Variants in UGT1A5 observed in about 807,000 individuals in gnomAD.
The protein encoded by UGT1A5 is UDP glucuronosyltransferase family 1 member A5.
Under a neutral mutation model 40.3 loss-of-function variants are expected in UGT1A5, and 29 were observed. That is an observed-to-expected ratio of 0.72 (90% CI 0.54 to 0.98). UGT1A5 has a LOEUF of 0.98. Among genes scored for constraint, UGT1A5 ranks in the 50% least tolerant of loss-of-function variants. The pLI, the probability that UGT1A5 is intolerant of heterozygous loss-of-function variation, is 0.00. For missense variants in UGT1A5, 678 were observed against 677.9 expected, an observed-to-expected ratio of 1.00 and a Z score of 0.00; for synonymous variants, 257 against 262.5, an observed-to-expected ratio of 0.98 and a Z score of 0.20.
intron 1 of UGT1A5, chr2:233,760,592 A>G (rs2125986394): frequency 1.1e-5 from 18 of 1,614,212 alleles, no homozygotes; most frequent in Non-Finnish European, 1.5e-5. Flanking sequence ...GTTTTTGAGA[A>G]TGATTCTTTC....
At chr2:233,724,293 C>G (rs1226718888) in intron 1 of UGT1A5, among the ~76,000 whole-genome samples, 3 of 135,034 alleles carry the variant, frequency 2.2e-5, no homozygotes, top group South Asian at 2.6e-4. Flanking sequence ...GGGGGCTGAC[C>G]CCCCCACCTC....
chr2:233,729,346 T>C (rs1339922469), intron 1 of UGT1A5: 1 of 1,614,150 alleles, frequency 6.2e-7, no homozygotes, highest in Non-Finnish European at 8.5e-7. Context: ...AGAAGAGAAC[T>C]TTTTCACCCT....
rs774438667 is a variant in UGT1A5 at position 233,767,136 on chromosome 2, G to T, written c.970G>T (p.Ala324Ser). 3.1e-6 allele frequency: 5 copies of T among 1,614,110 alleles called. No individual in the cohort carries two copies. Among genetic ancestry groups the T allele is most frequent in the Admixed American group, 1.7e-5 (1 of 60,022 alleles). The stretch of plus-strand genomic sequence containing the variant: ...TCCAGAGAAGAAAGCTATGGCAATT[G>T]CTGATGCTTTGGGCAAAATCCCTCA... The part of the protein sequence containing the change: ...EIPEKKAMAI[A>S]DALGKIPQTV... Residue 324 changes from alanine to serine, a missense_variant, in exon 2 of 5, where the codon GCT (alanine) becomes TCT (serine). By Grantham distance (99) the Ala-to-Ser change is moderately conservative. Coordinates refer to ENST00000373414, the MANE Select transcript of UGT1A5 (RefSeq NM_019078.2).
intron 1 of UGT1A5, among the ~76,000 whole-genome samples, chr2:233,733,416 G>A (rs570726599): frequency 2.1e-4 from 32 of 152,222 alleles, no homozygotes; most frequent in African/African-American, 7.5e-4. Context: ...TCCAGTTTTC[G>A]CCTACTCAGT....
At position 233,713,972 on chromosome 2, in the gene UGT1A5, C is replaced by T. The variant is rs191784973; in HGVS notation, c.867+114C>T. On this transcript the variant is annotated intron_variant, in intron 1 of 4. Transcript: ENST00000373414. ...TATCTTTCCAAAGATTTCATTTCTG[C>T]TTCTCATTGTTGTAATAGTCTTCAG... 1.3e-3 allele frequency: 2,084 copies of T among 1,599,986 alleles called. 2 individuals carry two copies. Among genetic ancestry groups the T allele is most frequent in the Non-Finnish European group, 1.6e-3 (1,935 of 1,173,724 alleles).
intron 1 of UGT1A5, among the ~76,000 whole-genome samples, chr2:233,759,869 A>G (rs1186818099): frequency 6.6e-6 from 1 of 152,190 alleles, no homozygotes; most frequent in African/African-American, 2.4e-5. Flanking sequence ...AAGCGGGGGT[A>G]CAGTTGTGTT....
chr2:233,768,515 C>T (rs548796271), intron 4 of UGT1A5, 76 bp downstream of exon 4: 42 of 1,546,024 alleles, frequency 2.7e-5, no homozygotes, highest in African/African-American at 1.8e-4. Context: ...AAAACATTTA[C>T]GTAGCATTTA....
intron 1 of UGT1A5, among the ~76,000 whole-genome samples, chr2:233,714,930 G>A (rs1185708526): frequency 6.6e-6 from 1 of 152,040 alleles, no homozygotes; most frequent in Non-Finnish European, 1.5e-5. Flanking sequence ...AGTCTGGAGT[G>A]CAGTGGTGGG....
chr2:233,744,129 A>C (rs1002862654), intron 1 of UGT1A5: 5 of 357,290 alleles, frequency 1.4e-5, no homozygotes, highest in African/African-American at 1.1e-4. Flanking sequence ...AGGCTCTGTG[A>C]GGCCCTGTGA....
At chr2:233,719,356 A>T (rs751560022) in intron 1 of UGT1A5, 4 of 1,613,848 alleles carry the variant, frequency 2.5e-6, no homozygotes, top group Non-Finnish European at 3.4e-6. Context: ...ATTCCATGTG[A>T]CTTAGACTTT....
At chr2:233,716,018 G>C (rs2076483229) in intron 1 of UGT1A5, among the ~76,000 whole-genome samples, 1 of 152,128 alleles carries the variant, frequency 6.6e-6, no homozygotes, top group Non-Finnish European at 1.5e-5. Flanking sequence ...TAATCTGATA[G>C]TTTCTTTTGA....
intron 1 of UGT1A5, among the ~76,000 whole-genome samples, chr2:233,732,928 C>A (rs2078337101): frequency 6.6e-6 from 1 of 152,058 alleles, no homozygotes; most frequent in African/African-American, 2.4e-5. Flanking sequence ...GATATTGATT[C>A]TTCCTATCCA....
At chr2:233,729,361 A>G (rs781679584) in intron 1 of UGT1A5, 50 of 1,613,972 alleles carry the variant, frequency 3.1e-5, no homozygotes, top group Non-Finnish European at 3.8e-5. Flanking sequence ...CACCCTGACA[A>G]CCTATGCCAT....
chr2:233,719,706 A>G (rs1314284418), intron 1 of UGT1A5: 4 of 1,614,008 alleles, frequency 2.5e-6, no homozygotes, highest in Non-Finnish European at 3.4e-6. Flanking sequence ...TGGTGCCTTC[A>G]TCCAATCAAT....
chr2:233,754,892 C>A, intron 1 of UGT1A5: 1 of 1,351,640 alleles, frequency 7.4e-7, no homozygotes, highest in Non-Finnish European at 9.9e-7. Flanking sequence ...GGGAGTTCCT[C>A]TGACCCCCCA....
intron 1 of UGT1A5, among the ~76,000 whole-genome samples, chr2:233,720,592 G>A (rs1417484127): frequency 6.6e-6 from 1 of 151,946 alleles, no homozygotes; most frequent in Non-Finnish European, 1.5e-5. Context: ...TTTCAGAGGT[G>A]ACTTTCATTA....
intron 1 of UGT1A5, among the ~76,000 whole-genome samples, chr2:233,751,504 G>A (rs879429871): frequency 1.3e-5 from 2 of 152,170 alleles, no homozygotes; most frequent in Non-Finnish European, 2.9e-5. Flanking sequence ...ATTTGGGAGG[G>A]GCCAGAGGGC....
intron 1 of UGT1A5, chr2:233,730,016 A>G (rs763607059): frequency 4.4e-5 from 71 of 1,613,718 alleles, no homozygotes; most frequent in Non-Finnish European, 5.8e-5. Flanking sequence ...GCCTTCATCC[A>G]ATCAATGTTC....
intron 1 of UGT1A5, among the ~76,000 whole-genome samples, chr2:233,758,781 G>C (rs1359978174): frequency 6.6e-6 from 1 of 152,186 alleles, no homozygotes; most frequent in African/African-American, 2.4e-5. Context: ...GTTGGGATCT[G>C]TGCAGTTATC....
Sources: allele counts gnomAD v4.1 joint callset (sites outside exome capture counted in the v4.1 genomes callset), GRCh38; gene constraint gnomAD v4.1.1; transcripts MANE v1.5; gene names NCBI Gene and HGNC (gene_info 2026-07-23, HGNC 2026-07-21).